The following ZC3H14 variants were observed in gnomAD, a reference collection of about 807,000 sequenced individuals.
ZC3H14 encodes the protein zinc finger CCCH domain-containing protein 14.
Under a neutral mutation model 92.4 loss-of-function variants are expected in ZC3H14, and 31 were observed. The observed-to-expected ratio is 0.34, with a 90% CI of 0.25 to 0.45. The LOEUF is 0.45. Ranked by LOEUF, ZC3H14 falls within the 20% of genes least tolerant of loss-of-function variation. The probability of loss-of-function intolerance (pLI) is 1.00; values close to 1 mark genes in which losing one functional copy is unlikely to be tolerated. For synonymous variants in ZC3H14, 321 were observed against 300.9 expected, an observed-to-expected ratio of 1.07 and a Z score of -0.69; for missense variants, 781 against 897.3, an observed-to-expected ratio of 0.87 and a Z score of 1.66.
At chr14:88,564,255 C>G (rs2079272471) in intron 2 of ZC3H14, among the ~76,000 whole-genome samples, 1 of 152,222 alleles carries the variant, frequency 6.6e-6, no homozygotes, top group African/African-American at 2.4e-5. Context: ...TTTTCCCTCT[C>G]TCTCTGAAAC....
At position 88,621,170 on chromosome 14, in the gene ZC3H14, A is replaced by T. The variant is rs1175245607; in HGVS notation, c.*9419A>T. 1.2e-6 allele frequency: 2 copies of T among 1,613,936 alleles called. No individual in the cohort carries two copies. The highest frequency in any genetic ancestry group is 1.7e-6 in the Non-Finnish European group (2 of 1,179,850). On this transcript the variant is annotated 3_prime_UTR_variant, in exon 17 of 17. Transcript: ENST00000251038. ...CATCTTCTGCAGCAGAAAGGAAAAA[A>T]TCCCTGGAAGGATGTGTTGCTAGTC...
rs1295053991 is a variant in ZC3H14 at position 88,618,030 on chromosome 14, A to G, written c.*6279A>G. ...TTTCCTTAAAAAAAAAACTTGATAA[A>G]TCATGGAAACTGATAAAACATGGAA... On this transcript the variant is annotated 3_prime_UTR_variant, in exon 17 of 17. Coordinates refer to ENST00000251038, the MANE Select transcript of ZC3H14 (RefSeq NM_024824.5). The G allele has an allele frequency of 2.5e-6, 1 of 393,590 alleles. No homozygotes were observed. Among genetic ancestry groups the G allele is most frequent in the Admixed American group, 4.1e-5 (1 of 24,428 alleles). 24.4% of individuals were successfully genotyped at this position (393,590 alleles called of 1,614,324 possible). A position where few individuals can be genotyped will look rare whatever the true frequency, so the allele number is the denominator to read the frequency against.
Position 88,617,237 on chromosome 14 carries a change from T to C in ZC3H14, c.*5486T>C. The C allele has an allele frequency of 6.2e-6, 1 of 161,498 alleles. No homozygotes were observed. The highest frequency in any genetic ancestry group is 1.4e-5 in the Non-Finnish European group (1 of 73,720). 10.0% of individuals were successfully genotyped at this position (161,498 alleles called of 1,614,324 possible). On this transcript the variant is annotated 3_prime_UTR_variant, in exon 17 of 17. Coordinates refer to ENST00000251038, the MANE Select transcript of ZC3H14 (RefSeq NM_024824.5). Reference sequence around the variant, plus strand: ...ATCTCGGCTCACCGCAACCTCTGCCTCCTGGGTTCAAGCAATTCTCCTGCC... The same window carrying C: ...ATCTCGGCTCACCGCAACCTCTGCCCCCTGGGTTCAAGCAATTCTCCTGCC...
intron 12 of ZC3H14, among the ~76,000 whole-genome samples, chr14:88,604,208 G>T (rs766447328): frequency 4.1e-4 from 63 of 152,140 alleles, no homozygotes; most frequent in Non-Finnish European, 1.8e-4. Context: ...GCTTTATGGG[G>T]TATACATGTA....
At chr14:88,600,994 T>G (rs1290529268) in intron 10 of ZC3H14, among the ~76,000 whole-genome samples, 1 of 152,208 alleles carries the variant, frequency 6.6e-6, no homozygotes, top group Admixed American at 6.5e-5. Context: ...TCCTTGTTTA[T>G]TCCTGCTTGT....
At position 88,626,708 on chromosome 14, in the gene ZC3H14, A is replaced by G; in HGVS notation, c.*14957A>G. 1.1e-6 allele frequency: 1 copy of G among 889,152 alleles called. No individual in the cohort carries two copies. The highest frequency in any genetic ancestry group is 1.7e-6 in the Non-Finnish European group (1 of 593,288). 55.1% of individuals were successfully genotyped at this position (889,152 alleles called of 1,614,324 possible). A position where few individuals can be genotyped will look rare whatever the true frequency, so the allele number is the denominator to read the frequency against. ...ACTAGATTTTTGAAAGATGAAATATATGCTTGACCAGGGCATGTAATGATT... is the reference window on the plus strand; with the variant it reads ...ACTAGATTTTTGAAAGATGAAATATGTGCTTGACCAGGGCATGTAATGATT... On this transcript the variant is annotated 3_prime_UTR_variant, in exon 17 of 17. Transcript: ENST00000251038.
At chr14:88,566,243 CAT>C (rs769566019) in intron 2 of ZC3H14, among the ~76,000 whole-genome samples, 34 of 151,540 alleles carry the variant, frequency 2.2e-4, no homozygotes, top group African/African-American at 5.6e-4. Flanking sequence ...TTGTGATTAA[CAT>C]GTGATGGATT....
intron 10 of ZC3H14, among the ~76,000 whole-genome samples, chr14:88,601,174 G>A (rs10148200): frequency 0.014 from 2,188 of 152,150 alleles, 60 homozygotes; most frequent in African/African-American, 0.051. Context: ...ATCTAGCTCA[G>A]TTCTCTTAGT....
intron 1 of ZC3H14, 76 bp from the exon 2 acceptor site, chr14:88,563,575 C>G (rs1023526080): frequency 1.9e-5 from 30 of 1,597,334 alleles, no homozygotes; most frequent in Non-Finnish European, 2.5e-5. Flanking sequence ...GCAAAGTGGC[C>G]TCAGCCGCTG....
intron 6 of ZC3H14, among the ~76,000 whole-genome samples, chr14:88,573,272 C>T (rs1448695118): frequency 4.0e-5 from 6 of 151,800 alleles, no homozygotes; most frequent in East Asian, 2.0e-4. Context: ...CCCAGCTACT[C>T]GGGAGGCTGA....
At chr14:88,583,330 C>A (rs2082133609) in intron 9 of ZC3H14, among the ~76,000 whole-genome samples, 1 of 151,946 alleles carries the variant, frequency 6.6e-6, no homozygotes, top group Non-Finnish European at 1.5e-5. Context: ...GTTGCCCAGG[C>A]TGGTCTGGAA....
chr14:88,566,520 C>T (rs985791381), intron 2 of ZC3H14, among the ~76,000 whole-genome samples: 6 of 152,142 alleles, frequency 3.9e-5, no homozygotes, highest in Non-Finnish European at 8.8e-5. Context: ...TTCTTTTATT[C>T]TTTCAACACT....
chr14:88,612,123 G>A lies in ZC3H14; in HGVS notation c.*372G>A, dbSNP rs984479714. On this transcript the variant is annotated 3_prime_UTR_variant, in exon 17 of 17. Transcript: ENST00000251038. ...ACGGTTGCTGTGTGAGTGGAGAGAT[G>A]CAGTGAGGCAGTTGTCATTATTCTA... 1 of 217,826 alleles carries A rather than the reference G, an allele frequency of 4.6e-6. No individual in the cohort carries two copies. The highest frequency in any genetic ancestry group is 2.3e-5 in the African/African-American group (1 of 43,704). 13.5% of individuals were successfully genotyped at this position (217,826 alleles called of 1,614,324 possible). A position where few individuals can be genotyped will look rare whatever the true frequency, so the allele number is the denominator to read the frequency against.
At chr14:88,580,178 G>A (rs1418139859) in intron 9 of ZC3H14, among the ~76,000 whole-genome samples, 3 of 151,688 alleles carry the variant, frequency 2.0e-5, no homozygotes, top group Admixed American at 6.6e-5. Flanking sequence ...AGTGAGCCAC[G>A]ATCATACCAT....
rs1045680246 is a variant in ZC3H14, at chr14:88,614,520, G to A, written c.*2769G>A. On this transcript the variant is annotated 3_prime_UTR_variant, in exon 17 of 17. Coordinates refer to ENST00000251038, the MANE Select transcript of ZC3H14 (RefSeq NM_024824.5). ...TCCTGTCAGACCAAATGGGATTCCA[G>A]GAACCTAAAGCGATCTATTATGCTA... The A allele has an allele frequency of 6.6e-6, 1 of 152,046 alleles. No homozygotes were observed. Among genetic ancestry groups the A allele is most frequent in the African/African-American group, 2.4e-5 (1 of 41,388 alleles). The allele number at this position is 152,046 out of a possible 1,614,324, so 9.4% of individuals were successfully genotyped here.
At chr14:88,577,056 A>G (rs1367669121) in intron 8 of ZC3H14, among the ~76,000 whole-genome samples, 1 of 152,000 alleles carries the variant, frequency 6.6e-6, no homozygotes, top group Non-Finnish European at 1.5e-5. Flanking sequence ...CGGCCTCCCA[A>G]AATGCTGGGA....
At chr14:88,563,731 G>C in intron 2 of ZC3H14, 38 bp downstream of exon 2, 2 of 1,593,218 alleles carry the variant, frequency 1.3e-6, no homozygotes, top group Non-Finnish European at 1.7e-6. Context: ...ACAGAATTTA[G>C]AGTTTGCAGC....
chr14:88,582,357 A>C (rs945861012), intron 9 of ZC3H14, among the ~76,000 whole-genome samples: 4 of 152,188 alleles, frequency 2.6e-5, no homozygotes, highest in African/African-American at 9.6e-5. Context: ...GTTGAGCTTC[A>C]CCATGAGTGT....
rs1177825965 is a variant in ZC3H14, at chr14:88,609,274, C to T, written c.1876C>T (p.Pro626Ser). 1 of 1,613,592 alleles carries T rather than the reference C, an allele frequency of 6.2e-7. No individual in the cohort carries two copies. The highest frequency in any genetic ancestry group is 8.5e-7 in the Non-Finnish European group (1 of 1,179,892). Residue 626 changes from proline to serine, a missense_variant, in exon 14 of 17, where the codon CCC (proline) becomes TCC (serine). This residue lies in a region of ZC3H14 where 221 missense variants were observed against 304.7 expected (regional missense o/e 0.73). Transcript: ENST00000251038. ...HHPISPCKAF[P>S]NCKFAEKCLF... ...TTTTTTTTTGTTTTGTAGAGCCTTC[C>T]CCAATTGTAAATTTGCTGAAAAATG...
Sources: allele counts gnomAD v4.1 joint callset (sites outside exome capture counted in the v4.1 genomes callset), GRCh38; gene constraint gnomAD v4.1.1; regional missense constraint gnomAD v4.1.1; transcripts MANE v1.5; gene names NCBI Gene and HGNC (gene_info 2026-07-23, HGNC 2026-07-21).